Variants in PCNX1 observed in about 807,000 individuals in gnomAD.
The protein encoded by PCNX1 is pecanex 1.
A neutral mutation model predicts 242.2 loss-of-function variants in PCNX1; 78 were observed. That is an observed-to-expected ratio of 0.32 (90% CI 0.27 to 0.39). PCNX1 has a LOEUF of 0.39. Ranked by LOEUF, PCNX1 falls within the 10% of genes least tolerant of loss-of-function variation. PCNX1 has a pLI of 1.00. For missense variants in PCNX1, 2,581 were observed against 2,856.5 expected, an observed-to-expected ratio of 0.90 and a Z score of 2.20; for synonymous variants, 1,024 against 1,032.9, an observed-to-expected ratio of 0.99 and a Z score of 0.17.
Position 71,109,322 on chromosome 14 carries a change from A to AT in PCNX1, c.6745-120dup, listed in dbSNP as rs905962206. On this transcript the variant is annotated intron_variant, in intron 34 of 35. Transcript: ENST00000304743. Reference sequence around the variant, plus strand: ...AAGAATTCAAGATGTAGCTCTTAAGATTTTTTTTTTATTCCATTATAGGAA... The same window carrying AT: ...AAGAATTCAAGATGTAGCTCTTAAGATTTTTTTTTTTATTCCATTATAGGAA... 2,323 of 827,458 alleles carry AT rather than the reference A, an allele frequency of 2.8e-3. 1 individual carries two copies. The highest frequency in any genetic ancestry group is 4.6e-3 in the Middle Eastern group (12 of 2,606). The allele number at this position is 827,458 out of a possible 1,614,324, so 51.3% of individuals were successfully genotyped here.
At chr14:70,993,801 T>C (rs1245245522) in intron 7 of PCNX1, among the ~76,000 whole-genome samples, 2 of 152,232 alleles carry the variant, frequency 1.3e-5, no homozygotes, top group Non-Finnish European at 2.9e-5. Context: ...AACATTTTTT[T>C]CTCAGTATTT....
chr14:70,984,705 A>G (rs1467947733), intron 6 of PCNX1, among the ~76,000 whole-genome samples: 2 of 151,984 alleles, frequency 1.3e-5, no homozygotes, highest in African/African-American at 4.8e-5. Context: ...TTTAAATAGC[A>G]TCTTTATCTG....
chr14:71,028,929 A>G (rs538491633), intron 16 of PCNX1, 138 bp downstream of exon 16: 7 of 511,642 alleles, frequency 1.4e-5, no homozygotes, highest in Non-Finnish European at 2.4e-5. Flanking sequence ...GTTAAACATT[A>G]TTCTCATTCT....
At chr14:70,995,377 G>A (rs957876944) in intron 7 of PCNX1, among the ~76,000 whole-genome samples, 2 of 152,174 alleles carry the variant, frequency 1.3e-5, no homozygotes, top group Admixed American at 1.3e-4. Context: ...CTGAAACATA[G>A]GGCTTATCTG....
rs561835904 is a variant in PCNX1 at position 70,981,903 on chromosome 14, A to G, written c.2311+3255A>G. On this transcript the variant is annotated intron_variant, in intron 6 of 35. Transcript: ENST00000304743. ...AGCCCGAGTGGAGAGGTTTGTGTTT[A>G]CTTACTATTCTTTGTGCTTTTTTTC... is the stretch of plus-strand genomic sequence containing the variant. Among the ~76,000 whole-genome samples, 677 of 152,284 alleles carry G rather than the reference A, an allele frequency of 4.4e-3. 4 individuals carry two copies. The highest frequency in any genetic ancestry group is 6.0e-3 in the Non-Finnish European group (411 of 67,988).
At chr14:71,005,134 A>G (rs745638746) in intron 8 of PCNX1, among the ~76,000 whole-genome samples, 6 of 152,172 alleles carry the variant, frequency 3.9e-5, no homozygotes, top group Admixed American at 6.5e-5. Context: ...GAAAAACACT[A>G]TGGATGATTT....
chr14:71,096,825 T>C (rs2062298103), intron 30 of PCNX1, among the ~76,000 whole-genome samples: 1 of 152,174 alleles, frequency 6.6e-6, no homozygotes. Flanking sequence ...TGTAAAGAAG[T>C]GTTAGAAGGC....
rs1566814054 is a variant in PCNX1, at chr14:71,109,006, AT to A, written c.6706del (p.Ser2236HisfsTer8). On this transcript the variant is annotated frameshift_variant, in exon 34 of 36. Transcript: ENST00000304743. LOFTEE classifies it high-confidence loss of function. ...GGCAACACCTTAAGTCCTGCCAACA[AT>A]TCACACTCCAGAAAGGCAGAAGTGA... is the stretch of plus-strand genomic sequence containing the variant. The part of the protein sequence containing the change: ...QPGNTLSPAN[N>X]SHSRKAEVIY... 6.2e-7 allele frequency: 1 copy of A among 1,613,976 alleles called. No individual in the cohort carries two copies. Among genetic ancestry groups the A allele is most frequent in the South Asian group, 1.1e-5 (1 of 91,060 alleles).
chr14:71,100,698 C>T (rs946481862), intron 30 of PCNX1, among the ~76,000 whole-genome samples: 1 of 152,160 alleles, frequency 6.6e-6, no homozygotes, highest in African/African-American at 2.4e-5. Context: ...AGGTTGTTTA[C>T]TTTTCCACCT....
chr14:71,102,712 T>G (rs1444852569), intron 31 of PCNX1, among the ~76,000 whole-genome samples: 1 of 152,204 alleles, frequency 6.6e-6, no homozygotes, highest in Non-Finnish European at 1.5e-5. Context: ...AAGTTTCTCA[T>G]GTGCCATAAA....
intron 1 of PCNX1, among the ~76,000 whole-genome samples, chr14:70,938,569 A>G (rs2057104151): frequency 6.6e-6 from 1 of 152,208 alleles, no homozygotes; most frequent in Non-Finnish European, 1.5e-5. Flanking sequence ...GTGTTCATCA[A>G]GGATATTGGT....
Position 70,907,842 on chromosome 14 carries a change from C to T in PCNX1, c.-9C>T, listed in dbSNP as rs757574242. Reference sequence around the variant, plus strand: ...GCGGCGGCGGCGACGGCGGCGGCGCCGGGTGGGGATGGGGTCGCAGACGCT... The same window carrying T: ...GCGGCGGCGGCGACGGCGGCGGCGCTGGGTGGGGATGGGGTCGCAGACGCT... On this transcript the variant is annotated 5_prime_UTR_variant, in exon 1 of 36. Transcript: ENST00000304743. The T allele has an allele frequency of 3.1e-6, 4 of 1,295,552 alleles. No homozygotes were observed. The highest frequency in any genetic ancestry group is 3.9e-6 in the Non-Finnish European group (4 of 1,018,584). The allele number at this position is 1,295,552 out of a possible 1,614,324, so 80.3% of individuals were successfully genotyped here. A position where few individuals can be genotyped will look rare whatever the true frequency, so the allele number is the denominator to read the frequency against.
intron 8 of PCNX1, among the ~76,000 whole-genome samples, chr14:71,001,705 T>C (rs1479343853): frequency 1.3e-5 from 2 of 152,252 alleles, no homozygotes; most frequent in Non-Finnish European, 2.9e-5. Context: ...GGTTAGTATA[T>C]GCATTAGTTG....
intron 16 of PCNX1, chr14:71,031,838 C>T (rs1280666746): frequency 2.7e-6 from 4 of 1,492,604 alleles, no homozygotes; most frequent in Middle Eastern, 3.5e-4. Flanking sequence ...GTGGCATCGT[C>T]TGGCTTCAGG....
chr14:71,033,660 TAA>T, intron 17 of PCNX1, 122 bp downstream of exon 17: 1 of 612,444 alleles, frequency 1.6e-6, no homozygotes, highest in Non-Finnish European at 2.9e-6. Flanking sequence ...TAATCTATAT[TAA>T]GTTTCAAAAT....
intron 5 of PCNX1, among the ~76,000 whole-genome samples, chr14:70,972,691 C>G (rs2058576438): frequency 6.6e-6 from 1 of 152,158 alleles, no homozygotes; most frequent in African/African-American, 2.4e-5. Context: ...TTAGTTGGCA[C>G]TCATTTTGTC....
At chr14:70,985,897 A>G (rs933456435) in intron 6 of PCNX1, among the ~76,000 whole-genome samples, 2 of 152,200 alleles carry the variant, frequency 1.3e-5, no homozygotes, top group Non-Finnish European at 2.9e-5. Context: ...CCCTAGTTAA[A>G]AGATTAAATT....
intron 8 of PCNX1, among the ~76,000 whole-genome samples, chr14:70,997,928 A>G (rs757160208): frequency 2.6e-5 from 4 of 152,208 alleles, no homozygotes; most frequent in Non-Finnish European, 4.4e-5. Flanking sequence ...AAAGTTAGCT[A>G]TGATATTCCC....
intron 2 of PCNX1, among the ~76,000 whole-genome samples, chr14:70,959,097 G>C (rs1471971580): frequency 6.7e-6 from 1 of 150,366 alleles, no homozygotes; most frequent in East Asian, 1.9e-4. Context: ...AAAAAACTCT[G>C]GGCAAAAAGT....
Sources: allele counts gnomAD v4.1 joint callset (sites outside exome capture counted in the v4.1 genomes callset), GRCh38; gene constraint gnomAD v4.1.1; transcripts MANE v1.5; gene names NCBI Gene and HGNC (gene_info 2026-07-23, HGNC 2026-07-21).